PLCG2: variants seen among roughly 807,000 people sequenced by gnomAD.
PLCG2 encodes phospholipase C gamma 2.
PLCG2 carries 69 observed loss-of-function variants against 175.6 expected under a neutral mutation model. That is an observed-to-expected ratio of 0.39 (90% CI 0.32 to 0.48). The LOEUF is 0.48. Among genes scored for constraint, PLCG2 ranks in the 20% least tolerant of loss-of-function variants. PLCG2 has a pLI of 0.91. For missense variants in PLCG2, 1,798 were observed against 1,650.9 expected (o/e 1.09, Z -1.54); for synonymous variants, 827 against 624.0 (o/e 1.33, Z -4.85).
intron 2 of PLCG2, among the ~76,000 whole-genome samples, chr16:81,828,021 C>A (rs180689293): frequency 7.1e-4 from 100 of 141,136 alleles, no homozygotes; most frequent in African/African-American, 2.4e-3. Flanking sequence ...ACCTGGGAGG[C>A]GGAGCTTGCA....
chr16:81,816,543 T>C (rs555155047), intron 2 of PLCG2, among the ~76,000 whole-genome samples: 14 of 149,102 alleles, frequency 9.4e-5, no homozygotes, highest in African/African-American at 3.2e-4. Context: ...CATGGTGCAA[T>C]CACAGCTCAA....
rs1174326736 is a variant in PLCG2, at chr16:81,785,816, T to C, written c.-47-127T>C. On this transcript the variant is annotated intron_variant, in intron 1 of 32. Transcript: ENST00000564138. ...TGAGTGGCCAGCGATGCCTTGCCAC[T>C]AGAACCTTCTCCTAAAACTCATCCT... 4 of 613,518 alleles carry C rather than the reference T, an allele frequency of 6.5e-6. No homozygotes were observed. In the East Asian group the frequency reaches 8.4e-5, roughly 13 times the overall value. The allele number at this position is 613,518 out of a possible 1,614,324, so 38.0% of individuals were successfully genotyped here. A position where few individuals can be genotyped will look rare whatever the true frequency, so the allele number is the denominator to read the frequency against.
intron 32 of PLCG2, 47 bp from the exon 33 acceptor site, chr16:81,957,909 C>G (rs1475670707): frequency 1.3e-6 from 2 of 1,543,462 alleles, no homozygotes; most frequent in East Asian, 2.2e-5. Context: ...AGCACGCAGC[C>G]CATTTCTCAT....
At chr16:81,904,040 G>A (rs1909261795) in intron 14 of PLCG2, among the ~76,000 whole-genome samples, 1 of 152,186 alleles carries the variant, frequency 6.6e-6, no homozygotes, top group Non-Finnish European at 1.5e-5. Flanking sequence ...CTTTACAGAT[G>A]TGGACATTGA....
rs780618593 is a variant in PLCG2, at chr16:81,927,194, C to T, written c.2514+16C>T. On this transcript the variant is annotated intron_variant, in intron 23 of 32. Coordinates refer to ENST00000564138, the MANE Select transcript of PLCG2 (RefSeq NM_002661.5). Reference sequence around the variant, plus strand: ...AGAAAAGCAGGTGAGTCCCCCTCTTCGATCCTCTTACAGGAAGAAGGGATC... The same window carrying T: ...AGAAAAGCAGGTGAGTCCCCCTCTTTGATCCTCTTACAGGAAGAAGGGATC... 39 of 1,554,744 alleles carry T rather than the reference C, an allele frequency of 2.5e-5. No individual in the cohort carries two copies. Among genetic ancestry groups the T allele is most frequent in the East Asian group, 1.8e-4 (8 of 44,612 alleles).
chr16:81,775,764 A>C (rs1400266215), upstream of PLCG2, among the ~76,000 whole-genome samples: 3 of 152,172 alleles, frequency 2.0e-5, no homozygotes, highest in Admixed American at 2.0e-4. Context: ...TTTCTTACCT[A>C]TCCACTTCCC....
At chr16:81,902,384 C>T (rs1027377590) in intron 14 of PLCG2, among the ~76,000 whole-genome samples, 1 of 152,198 alleles carries the variant, frequency 6.6e-6, no homozygotes, top group African/African-American at 2.4e-5. Flanking sequence ...GGTCAGGGTG[C>T]TGGTATGAGA....
upstream of PLCG2, among the ~76,000 whole-genome samples, chr16:81,778,727 C>G (rs963324938): frequency 2.6e-5 from 4 of 152,202 alleles, no homozygotes; most frequent in Non-Finnish European, 5.9e-5. Context: ...TGGTCTGACT[C>G]CAGCGCAGCC....
At chr16:81,792,708 C>G (rs1271861369) in intron 2 of PLCG2, among the ~76,000 whole-genome samples, 2 of 151,998 alleles carry the variant, frequency 1.3e-5, no homozygotes, top group Admixed American at 6.6e-5. Context: ...TCTTGTAAAA[C>G]TATCAGCCCT....
intron 5 of PLCG2, among the ~76,000 whole-genome samples, chr16:81,860,998 C>G (rs1488871613): frequency 6.6e-6 from 1 of 151,786 alleles, no homozygotes; most frequent in East Asian, 1.9e-4. Flanking sequence ...ACAAAACCAA[C>G]CAAACAAAAA....
chr16:81,777,305 CT>C (rs1910433779), upstream of PLCG2, among the ~76,000 whole-genome samples: 1 of 152,086 alleles, frequency 6.6e-6, no homozygotes, highest in African/African-American at 2.4e-5. Flanking sequence ...ACCCACTCCC[CT>C]ATCCATGTAG....
At chr16:81,941,614 A>C (rs1420656457) in intron 30 of PLCG2, among the ~76,000 whole-genome samples, 6 of 148,044 alleles carry the variant, frequency 4.1e-5, no homozygotes. Context: ...GAACATTGCT[A>C]CTCTAGCAAT....
chr16:81,923,231 T>TCCTCACC, intron 21 of PLCG2, among the ~76,000 whole-genome samples: 1 of 151,376 alleles, frequency 6.6e-6, no homozygotes, highest in South Asian at 2.1e-4. Flanking sequence ...AAACCCTAAC[T>TCCTCACC]CCTAACCCCT....
Position 81,750,663 on chromosome 16 carries a change from A to ATTTTTTTTTTTTTTTTTTT in PLCG2, c.-144-5203_-144-5185dup, listed in dbSNP as rs543220131. On this transcript the variant is annotated intron_variant, in intron 1 of 5. Coordinates refer to the PLCG2 transcript ENST00000565054. Reference sequence around the variant, plus strand: ...TTAAAAAGCAGAATGGGGACTGGAGATTTTTTTTTTTTTTTTTTTTTTGAG... The same window carrying ATTTTTTTTTTTTTTTTTTT: ...TTAAAAAGCAGAATGGGGACTGGAGATTTTTTTTTTTTTTTTTTTTTTTTTTTTTTTTTTTTTTTTTGAG... Among the ~76,000 whole-genome samples, 48 of 68,464 alleles carry ATTTTTTTTTTTTTTTTTTT rather than the reference A, an allele frequency of 7.0e-4. 11 individuals carry two copies. The highest frequency in any genetic ancestry group is 1.8e-3 in the East Asian group (3 of 1,624). 44.9% of individuals were successfully genotyped at this position (68,464 alleles called of 152,430 possible).
intron 1 of PLCG2, among the ~76,000 whole-genome samples, chr16:81,744,751 A>G (rs1909670991): frequency 6.6e-6 from 1 of 151,804 alleles, no homozygotes; most frequent in African/African-American, 2.4e-5. Flanking sequence ...TTTTTTTTAC[A>G]GGCAAAGTCT....
At chr16:81,811,260 C>T (rs894156835) in intron 2 of PLCG2, among the ~76,000 whole-genome samples, 7 of 152,126 alleles carry the variant, frequency 4.6e-5, no homozygotes, top group African/African-American at 7.2e-5. Flanking sequence ...GTACCTTCCT[C>T]GTGTGTGGGT....
chr16:81,881,115 A>C (rs971756986), intron 8 of PLCG2, among the ~76,000 whole-genome samples, 162 bp downstream of exon 8: 1 of 152,220 alleles, frequency 6.6e-6, no homozygotes, highest in Admixed American at 6.5e-5. Flanking sequence ...TGTGGCGTGG[A>C]TAGAGATGAG....
Position 81,908,540 on chromosome 16 carries a change from T to C in PLCG2, c.1682T>C (p.Phe561Ser). The change falls in exon 17 of 33, where the codon TTC becomes TCC. Residue 561 changes from phenylalanine (F) to serine (S), a missense_variant. Transcript: ENST00000564138. ...CMETGGKDGT[F>S]LVRESETFPN... The stretch of plus-strand genomic sequence containing the variant: ...GAGACGGGGGGCAAGGATGGCACCT[T>C]CCTGGTTCGGGAGAGCGAGACCTTC... 1 of 1,613,462 alleles carries C rather than the reference T, an allele frequency of 6.2e-7. No homozygotes were observed.
intron 2 of PLCG2, among the ~76,000 whole-genome samples, chr16:81,838,855 C>G (rs117660518): frequency 0.015 from 2,333 of 150,906 alleles, 21 homozygotes; most frequent in Non-Finnish European, 0.023. Context: ...GCATGTAAGG[C>G]TCAAGGCTTT....
Sources: allele counts gnomAD v4.1 joint callset (sites outside exome capture counted in the v4.1 genomes callset), GRCh38; gene constraint gnomAD v4.1.1; transcripts MANE v1.5; gene names NCBI Gene and HGNC (gene_info 2026-07-23, HGNC 2026-07-21).